The following PSD3 variants were observed in gnomAD, a reference collection of about 807,000 sequenced individuals.
PSD3 encodes PH and SEC7 domain-containing protein 3.
A neutral mutation model predicts 105.5 loss-of-function variants in PSD3; 49 were observed. The ratio of observed to expected loss-of-function variants is 0.46; its 90% CI spans 0.37 to 0.59. The LOEUF (loss-of-function observed/expected upper bound fraction) is 0.59, where lower values mean the gene tolerates loss of function less well. Ranked by LOEUF, PSD3 falls within the 20% of genes least tolerant of loss-of-function variation. The probability of loss-of-function intolerance (pLI) is 0.00; values close to 1 mark genes in which losing one functional copy is unlikely to be tolerated. For synonymous variants in PSD3, 557 were observed against 457.8 expected (o/e 1.22, Z -2.77); for missense variants, 1,561 against 1,263.8 (o/e 1.24, Z -3.57).
chr8:18,838,895 C>A (rs965090956), intron 4 of PSD3, among the ~76,000 whole-genome samples: 2 of 151,210 alleles, frequency 1.3e-5, no homozygotes, highest in Admixed American at 6.6e-5. Flanking sequence ...AGCTAGTAAA[C>A]TGCATTTCAA....
At chr8:18,855,295 A>G (rs1392162165) in intron 4 of PSD3, among the ~76,000 whole-genome samples, 1 of 152,208 alleles carries the variant, frequency 6.6e-6, no homozygotes, top group East Asian at 1.9e-4. Context: ...CCATGCAGTA[A>G]TTTTATTCCT....
chr8:18,992,120 C>T lies in PSD3; in HGVS notation c.21+21443G>A, dbSNP rs116022140. ...TAGAACATTTTTAACAGGTTTATAC[C>T]CTGTTTTTATGAAAAAGTTTCAGGC... On this transcript the variant is annotated intron_variant, in intron 1 of 15. Transcript: ENST00000327040. Among the ~76,000 whole-genome samples the T allele has an allele frequency of 2.0e-3, 301 of 152,052 alleles. 2 individuals are homozygous for T. The highest frequency in any genetic ancestry group is 6.8e-3 in the African/African-American group (284 of 41,460).
intron 15 of PSD3, among the ~76,000 whole-genome samples, chr8:18,536,712 G>A (rs1799864433): frequency 6.6e-6 from 1 of 151,994 alleles, no homozygotes. Context: ...TCCGTCTCTT[G>A]GATATCTAAG....
At chr8:18,970,349 C>T (rs113547773) in intron 1 of PSD3, among the ~76,000 whole-genome samples, 1 of 110,616 alleles carries the variant, frequency 9.0e-6, no homozygotes, top group African/African-American at 3.2e-5. Flanking sequence ...AAAAAAAAAA[C>T]AAAGAAAAGA....
At chr8:18,693,045 A>G (rs545558921) in intron 9 of PSD3, among the ~76,000 whole-genome samples, 9 of 152,314 alleles carry the variant, frequency 5.9e-5, no homozygotes, top group African/African-American at 1.9e-4. Flanking sequence ...ACGCTGACAT[A>G]TGTGAAGGCC....
At chr8:18,753,961 A>G (rs1338315371) in intron 9 of PSD3, among the ~76,000 whole-genome samples, 1 of 152,210 alleles carries the variant, frequency 6.6e-6, no homozygotes, top group Non-Finnish European at 1.5e-5. Context: ...TTAAGGTTGC[A>G]ACATTTTCTC....
In PSD3 at chr8:18,530,649, T is replaced by C. The variant is rs1799596182; in HGVS notation, c.*5094A>G. ...AAATTGTCAGTTTGACTTTAAGTGC[T>C]CTTAATACTAAAGTTACTAAGACTG... is the stretch of plus-strand genomic sequence containing the variant. On this transcript the variant is annotated 3_prime_UTR_variant, in exon 16 of 16. Transcript: ENST00000327040. 1 of 152,352 alleles carries C rather than the reference T, an allele frequency of 6.6e-6. No homozygotes were observed. Among genetic ancestry groups the C allele is most frequent in the Admixed American group, 6.6e-5 (1 of 15,254 alleles). The allele number at this position is 152,352 out of a possible 1,614,324, so 9.4% of individuals were successfully genotyped here. A position where few individuals can be genotyped will look rare whatever the true frequency, so the allele number is the denominator to read the frequency against.
At chr8:18,623,166 T>A (rs111788063) in intron 11 of PSD3, among the ~76,000 whole-genome samples, 10 of 152,204 alleles carry the variant, frequency 6.6e-5, no homozygotes, top group African/African-American at 2.4e-4. Flanking sequence ...ATTACAGGCG[T>A]GAGCCACTGT....
chr8:18,656,211 C>T (rs1808881095), intron 9 of PSD3, among the ~76,000 whole-genome samples: 1 of 152,124 alleles, frequency 6.6e-6, no homozygotes, highest in African/African-American at 2.4e-5. Context: ...GCGTGTGCCA[C>T]CACACCTGGC....
At chr8:18,655,783 C>T (rs1808843015) in intron 9 of PSD3, 98 bp from the exon 10 acceptor site, 4 of 1,146,740 alleles carry the variant, frequency 3.5e-6, no homozygotes, top group African/African-American at 1.5e-5. Flanking sequence ...AAAGGATAGG[C>T]ACGAAGCCCC....
In PSD3 at chr8:18,836,196, G is replaced by A. The variant is rs554078447; in HGVS notation, c.1635-31298C>T. On this transcript the variant is annotated intron_variant, in intron 4 of 15. Transcript: ENST00000327040. ...CATTTAATGGGCTTTCAAAGTAACC[G>A]TAACCCTGAACTCACGTTTGATGCA... is the stretch of plus-strand genomic sequence containing the variant. 9.2e-5 allele frequency among the ~76,000 whole-genome samples: 14 copies of A among 152,284 alleles called. No homozygotes were observed. The East Asian group carries it at 2.1e-3, about 23-fold the overall frequency.
intron 10 of PSD3, among the ~76,000 whole-genome samples, chr8:18,635,091 T>A (rs1807160511): frequency 6.6e-6 from 1 of 152,196 alleles, no homozygotes; most frequent in Non-Finnish European, 1.5e-5. Flanking sequence ...CTATTGTTAT[T>A]TAATTTGTTG....
In PSD3 at chr8:18,876,358, T is replaced by C. The variant is rs534827026; in HGVS notation, c.131-3625A>G. 7.9e-5 allele frequency among the ~76,000 whole-genome samples: 12 copies of C among 152,268 alleles called. No individual in the cohort carries two copies. The East Asian group carries it at 9.7e-4, about 12-fold the overall frequency. On this transcript the variant is annotated intron_variant, in intron 2 of 15. Transcript: ENST00000327040. ...GGCTGCTATGAATAAAAAATGTGTA[T>C]ATAAGTTTCAGGGTCTAAATACATT...
intron 8 of PSD3, among the ~76,000 whole-genome samples, chr8:18,772,260 G>A (rs945338202): frequency 6.6e-6 from 1 of 152,108 alleles, no homozygotes; most frequent in Non-Finnish European, 1.5e-5. Context: ...AATGAGATTG[G>A]TGTATCACAT....
intron 1 of PSD3, among the ~76,000 whole-genome samples, chr8:19,068,829 T>C (rs1260794540): frequency 6.6e-6 from 1 of 152,100 alleles, no homozygotes; most frequent in Non-Finnish European, 1.5e-5. Flanking sequence ...ACAGGCCATC[T>C]GCAGTTGGGC....
intron 9 of PSD3, 115 bp downstream of exon 9, chr8:18,765,334 A>G (rs926003202): frequency 2.2e-6 from 2 of 908,842 alleles, no homozygotes; most frequent in East Asian, 2.5e-5. Context: ...CATCACCAAT[A>G]AAACCAAAAG....
At chr8:18,646,581 A>T (rs1002648604) in intron 10 of PSD3, among the ~76,000 whole-genome samples, 1 of 152,150 alleles carries the variant, frequency 6.6e-6, no homozygotes, top group Non-Finnish European at 1.5e-5. Context: ...AATAAACAAA[A>T]TGAAGCACTA....
At chr8:18,566,730 T>G (rs919293775) in intron 14 of PSD3, among the ~76,000 whole-genome samples, 2 of 152,208 alleles carry the variant, frequency 1.3e-5, no homozygotes, top group Non-Finnish European at 2.9e-5. Context: ...ATATTTCTTT[T>G]TGGTTATTAC....
Position 18,605,125 on chromosome 8 carries a change from G to A in PSD3, c.2411-4691C>T, listed in dbSNP as rs532439267. On this transcript the variant is annotated intron_variant, in intron 11 of 15. Transcript: ENST00000327040. ...CCATTGTCCTCCAGACCTCAGAATG[G>A]TAGAGCCACTGACAGCTTGCACCAT... 3.3e-5 allele frequency among the ~76,000 whole-genome samples: 5 copies of A among 152,224 alleles called. No individual in the cohort carries two copies. In the South Asian group the frequency reaches 1.0e-3, roughly 32 times the overall value.
Sources: gnomAD v4.1 joint callset for allele counts (sites outside exome capture counted in the v4.1 genomes callset) on GRCh38, gnomAD v4.1.1 for gene constraint, MANE v1.5 for transcripts, NCBI Gene and HGNC (gene_info 2026-07-23, HGNC 2026-07-21) for gene names.